The following SIGLEC15 variants were observed in gnomAD, a reference collection of about 807,000 sequenced individuals.
SIGLEC15 encodes the protein sialic acid-binding Ig-like lectin 15.
A neutral mutation model predicts 26.2 loss-of-function variants in SIGLEC15; 31 were observed. The ratio of observed to expected loss-of-function variants is 1.18; its 90% CI spans 0.89 to 1.60. SIGLEC15 has a LOEUF of 1.60. Among genes scored for constraint, SIGLEC15 ranks in the 40% most tolerant of loss-of-function variants. The pLI is 0.00. For missense variants in SIGLEC15, 501 were observed against 488.4 expected (o/e 1.03, Z -0.24); for synonymous variants, 207 against 221.9 (o/e 0.93, Z 0.60).
chr18:45,838,906 C>G lies in SIGLEC15; in HGVS notation c.685C>G (p.Leu229Val), dbSNP rs760889770. 1.2e-6 allele frequency: 2 copies of G among 1,601,588 alleles called. No individual in the cohort carries two copies. Among genetic ancestry groups the G allele is most frequent in the South Asian group, 2.2e-5 (2 of 89,844 alleles). Residue 229 changes from leucine (L) to valine (V), a missense_variant, in exon 4 of 6, where the codon CTG becomes GTG. Transcript: ENST00000389474. ...GHLVTAELPA[L>V]THDGRYTCTA... ...CCTAGTGACCGCCGAACTGCCCGCA[C>G]TGACCCATGACGGCCGCTACACGTG...
In SIGLEC15 at chr18:45,837,397, G is replaced by A. The variant is rs557402908; in HGVS notation, c.113-116G>A. The A allele has an allele frequency of 8.1e-5, 110 of 1,354,336 alleles. No homozygotes were observed. In the African/African-American group the frequency reaches 1.2e-3, roughly 15 times the overall value. 83.9% of individuals were successfully genotyped at this position (1,354,336 alleles called of 1,614,324 possible). On this transcript the variant is annotated intron_variant, in intron 2 of 5. Transcript: ENST00000389474. ...AGTGGGGGACGATCCCTGAGTCCTG[G>A]GGTTTCCAGGCTAGGGGTTGGGGGA... is the stretch of plus-strand genomic sequence containing the variant.
intron 1 of SIGLEC15, among the ~76,000 whole-genome samples, chr18:45,829,341 G>A (rs1307941398): frequency 1.3e-5 from 2 of 152,210 alleles, no homozygotes; most frequent in Non-Finnish European, 2.9e-5. Context: ...GGTTTGTGCT[G>A]ACAGTTGGAA....
intron 1 of SIGLEC15, among the ~76,000 whole-genome samples, chr18:45,831,177 T>C (rs540854947): frequency 6.6e-6 from 1 of 152,280 alleles, no homozygotes; most frequent in East Asian, 1.9e-4. Context: ...AACCCCTCCA[T>C]GGTGCCTCGG....
At chr18:45,840,299 C>G in intron 5 of SIGLEC15, 58 bp downstream of exon 5, 20 of 1,553,322 alleles carry the variant, frequency 1.3e-5, no homozygotes, top group Non-Finnish European at 1.7e-5. Context: ...CCTCATCACC[C>G]AGGGGGTCCA....
chr18:45,829,644 C>G (rs1398411816), intron 1 of SIGLEC15, among the ~76,000 whole-genome samples: 1 of 152,144 alleles, frequency 6.6e-6, no homozygotes, highest in African/African-American at 2.4e-5. Context: ...CCTGGAGCAC[C>G]CTGTTAGCAT....
At chr18:45,838,042 C>T (rs1742906317) in intron 3 of SIGLEC15, 146 bp downstream of exon 3, 4 of 1,108,236 alleles carry the variant, frequency 3.6e-6, no homozygotes, top group East Asian at 6.4e-5. Flanking sequence ...GGATCTCACA[C>T]CTGGGGGTAG....
At chr18:45,826,362 G>A (rs2048185260) in intron 1 of SIGLEC15, among the ~76,000 whole-genome samples, 1 of 152,130 alleles carries the variant, frequency 6.6e-6, no homozygotes, top group Non-Finnish European at 1.5e-5. Context: ...TGGGAACAGT[G>A]TTTCAAAAGG....
At chr18:45,826,516 G>A (rs1010223308) in intron 1 of SIGLEC15, among the ~76,000 whole-genome samples, 2 of 152,138 alleles carry the variant, frequency 1.3e-5, no homozygotes, top group African/African-American at 2.4e-5. Flanking sequence ...ACCTTCTTGG[G>A]TGATTCTGAC....
At chr18:45,829,526 A>G (rs984218583) in intron 1 of SIGLEC15, among the ~76,000 whole-genome samples, 7 of 152,124 alleles carry the variant, frequency 4.6e-5, no homozygotes, top group African/African-American at 1.7e-4. Flanking sequence ...CCACATACCT[A>G]CAGGTGAGGT....
At chr18:45,827,229 T>C (rs781727049) in intron 1 of SIGLEC15, among the ~76,000 whole-genome samples, 31 of 152,216 alleles carry the variant, frequency 2.0e-4, no homozygotes, top group Non-Finnish European at 3.5e-4. Context: ...AAAGGAACTC[T>C]TCCCTATGAA....
At position 45,838,736 on chromosome 18, in the gene SIGLEC15, A is replaced by G; in HGVS notation, c.515A>G (p.Asn172Ser). The change falls in exon 4 of 6, where the codon AAC (asparagine) becomes AGC (serine). Residue 172 changes from asparagine (N) to serine (S), a missense_variant. Coordinates refer to ENST00000389474, the MANE Select transcript of SIGLEC15 (RefSeq NM_213602.3). ...CCTGCAGCCGCGCCGCGGATCGTCA[A>G]CATCTCGGTGCTGCCCAGTCCGGCT... ...LHVTAAPRIV[N>S]ISVLPSPAHA... 6.3e-7 allele frequency: 1 copy of G among 1,577,446 alleles called. No individual in the cohort carries two copies.
At chr18:45,836,852 T>A (rs1437496790) in intron 1 of SIGLEC15, among the ~76,000 whole-genome samples, 177 bp from the exon 2 acceptor site, 1 of 152,190 alleles carries the variant, frequency 6.6e-6, no homozygotes, top group East Asian at 1.9e-4. Context: ...GAAGTGCTGG[T>A]GTCCTCGGAG....
chr18:45,838,142 C>G (rs2048292143), intron 3 of SIGLEC15, among the ~76,000 whole-genome samples: 2 of 152,332 alleles, frequency 1.3e-5, no homozygotes, highest in African/African-American at 2.4e-5. Flanking sequence ...TGCCGTGACT[C>G]TCGTAGAGTG....
At chr18:45,840,585 G>C (rs939925000) in intron 5 of SIGLEC15, among the ~76,000 whole-genome samples, 1 of 152,336 alleles carries the variant, frequency 6.6e-6, no homozygotes, top group African/African-American at 2.4e-5. Context: ...TGAAGGCTTT[G>C]CAAACAAAAT....
intron 5 of SIGLEC15, 122 bp from the exon 6 acceptor site, chr18:45,841,984 C>G (rs1435326762): frequency 5.6e-6 from 5 of 899,516 alleles, no homozygotes; most frequent in African/African-American, 3.3e-5. Flanking sequence ...TGAGCCCTGC[C>G]GGTTCCAGCC....
At position 45,837,375 on chromosome 18, in the gene SIGLEC15, G is replaced by A. The variant is rs190129329; in HGVS notation, c.113-138G>A. 1.8e-4 allele frequency: 238 copies of A among 1,287,240 alleles called. No homozygotes were observed. The African/African-American group carries it at 3.3e-3, about 18-fold the overall frequency. The allele number at this position is 1,287,240 out of a possible 1,614,324, so 79.7% of individuals were successfully genotyped here. On this transcript the variant is annotated intron_variant, in intron 2 of 5. Coordinates refer to ENST00000389474, the MANE Select transcript of SIGLEC15 (RefSeq NM_213602.3). ...GTGGGGTTCCGGCTCCCCTGGAAGTGGGGGACGATCCCTGAGTCCTGGGGT... is the reference window on the plus strand; with the variant it reads ...GTGGGGTTCCGGCTCCCCTGGAAGTAGGGGACGATCCCTGAGTCCTGGGGT...
At position 45,842,859 on chromosome 18, in the gene SIGLEC15, C is replaced by T. The variant is rs1010889597; in HGVS notation, c.*672C>T. ...CCCTGCAGCAGTGTCACGGAGAACA[C>T]AGAGTTCCAGAGAGCAAGCCTGGGG... On this transcript the variant is annotated 3_prime_UTR_variant, in exon 6 of 6. Transcript: ENST00000389474. 8 of 152,550 alleles carry T rather than the reference C, an allele frequency of 5.2e-5. No homozygotes were observed. Among genetic ancestry groups the T allele is most frequent in the African/African-American group, 1.9e-4 (8 of 41,444 alleles). The allele number at this position is 152,550 out of a possible 1,614,324, so 9.4% of individuals were successfully genotyped here.
At chr18:45,838,183 C>T (rs916464562) in intron 3 of SIGLEC15, among the ~76,000 whole-genome samples, 1 of 152,152 alleles carries the variant, frequency 6.6e-6, no homozygotes, top group African/African-American at 2.4e-5. Flanking sequence ...GACGAAGAGG[C>T]GAGAAAGACA....
chr18:45,843,381 A>G lies in SIGLEC15; in HGVS notation c.*1194A>G, dbSNP rs531877. 0.13 allele frequency: 19,700 copies of G among 152,258 alleles called. 3,244 individuals are homozygous for G. The highest frequency in any genetic ancestry group is 0.39 in the African/African-American group (16,139 of 41,444). The allele number at this position is 152,258 out of a possible 1,614,324, so 9.4% of individuals were successfully genotyped here. On this transcript the variant is annotated 3_prime_UTR_variant, in exon 6 of 6. Transcript: ENST00000389474. Reference sequence around the variant, plus strand: ...AGGGAGGCATGCCTGGGTCCCAGGTAAGCTGGCAAGAGGAAAGGGCCACAG... The same window carrying G: ...AGGGAGGCATGCCTGGGTCCCAGGTGAGCTGGCAAGAGGAAAGGGCCACAG...
Sources: gnomAD v4.1 joint callset for allele counts (sites outside exome capture counted in the v4.1 genomes callset) on GRCh38, gnomAD v4.1.1 for gene constraint, MANE v1.5 for transcripts, NCBI Gene and HGNC (gene_info 2026-07-23, HGNC 2026-07-21) for gene names.